STX17: variants seen among roughly 807,000 people sequenced by gnomAD.
STX17 encodes syntaxin-17.
A neutral mutation model predicts 35.9 loss-of-function variants in STX17; 29 were observed. That is an observed-to-expected ratio of 0.81 (90% CI 0.60 to 1.10). The LOEUF (loss-of-function observed/expected upper bound fraction) is 1.10, where lower values mean the gene tolerates loss of function less well. STX17 is among the 50% of genes least tolerant of loss of function. STX17 has a pLI of 0.00. For synonymous variants in STX17, 92 were observed against 118.3 expected, an observed-to-expected ratio of 0.78 and a Z score of 1.44; for missense variants, 312 against 352.3, an observed-to-expected ratio of 0.89 and a Z score of 0.92.
At chr9:99,940,346 G>A (rs1426559322) in intron 3 of STX17, among the ~76,000 whole-genome samples, 1 of 151,878 alleles carries the variant, frequency 6.6e-6, no homozygotes, top group East Asian at 1.9e-4. Flanking sequence ...GGCCAGGCTG[G>A]TCTCAAACTC....
chr9:99,970,866 A>G lies in STX17; in HGVS notation c.*2193A>G, dbSNP rs1830005100. 6.6e-6 allele frequency among the ~76,000 whole-genome samples: 1 copy of G among 152,148 alleles called. No homozygotes were observed. The highest frequency in any genetic ancestry group is 2.1e-4 in the South Asian group (1 of 4,828). On this transcript the variant is annotated 3_prime_UTR_variant, in exon 8 of 8. Transcript: ENST00000259400. ...AAGGAGGCCTGTATTTGAAGCTCAC[A>G]CTTGGTATTGGTATCTCTCATTTTT...
chr9:99,922,502 G>A (rs1828908697), intron 2 of STX17, among the ~76,000 whole-genome samples: 1 of 152,130 alleles, frequency 6.6e-6, no homozygotes, highest in Admixed American at 6.5e-5. Context: ...AACCTAGAAG[G>A]GTATATTCTT....
chr9:99,923,663 T>C (rs538000568), intron 2 of STX17, among the ~76,000 whole-genome samples: 1 of 152,170 alleles, frequency 6.6e-6, no homozygotes, highest in East Asian at 1.9e-4. Context: ...AACCACAGTT[T>C]GAGAGTCAAG....
chr9:99,937,777 A>G (rs1257635255), intron 3 of STX17: 2 of 151,994 alleles, frequency 1.3e-5, no homozygotes, highest in African/African-American at 2.4e-5. Context: ...CTTTGTGTCT[A>G]GTGATATTTG....
In STX17 at chr9:99,972,129, G is replaced by A. The variant is rs534486694; in HGVS notation, c.*3456G>A. The stretch of plus-strand genomic sequence containing the variant: ...AGCAGCCTCAAAGTTTTTAATGGTA[G>A]CTGATGCAGACATAAACAGTGCTCA... On this transcript the variant is annotated 3_prime_UTR_variant, in exon 8 of 8. Coordinates refer to ENST00000259400, the MANE Select transcript of STX17 (RefSeq NM_017919.3). 6.6e-6 allele frequency among the ~76,000 whole-genome samples: 1 copy of A among 152,246 alleles called. No homozygotes were observed. Among genetic ancestry groups the A allele is most frequent in the East Asian group, 1.9e-4 (1 of 5,186 alleles).
At chr9:99,916,081 A>G (rs925335666) in intron 2 of STX17, 30 of 455,786 alleles carry the variant, frequency 6.6e-5, no homozygotes, top group Non-Finnish European at 1.2e-4. Flanking sequence ...AATCATTGTG[A>G]GATATGAGGG....
chr9:99,925,427 G>A (rs571428046), intron 2 of STX17, among the ~76,000 whole-genome samples: 22 of 152,026 alleles, frequency 1.4e-4, no homozygotes, highest in South Asian at 4.2e-4. Flanking sequence ...ATATGTATCC[G>A]TATGTGCCAT....
chr9:99,949,949 A>ACACACG (rs1829559333), intron 3 of STX17, among the ~76,000 whole-genome samples: 2 of 151,530 alleles, frequency 1.3e-5, no homozygotes, highest in South Asian at 4.2e-4. Flanking sequence ...GTATACACAC[A>ACACACG]CACACACACA....
rs557876622 is a variant in STX17, at chr9:99,963,194, A to G, written c.582+3039A>G. Among the ~76,000 whole-genome samples the G allele has an allele frequency of 8.4e-4, 128 of 152,302 alleles. 1 individual carries two copies. Among genetic ancestry groups the G allele is most frequent in the African/African-American group, 3.0e-3 (124 of 41,572 alleles). Reference sequence around the variant, plus strand: ...CAAAGCCATTGACAGATCAAGGTATAGTACAATAAATGTTAATAAATTAAT... The same window carrying G: ...CAAAGCCATTGACAGATCAAGGTATGGTACAATAAATGTTAATAAATTAAT... On this transcript the variant is annotated intron_variant, in intron 6 of 7. Coordinates refer to ENST00000259400, the MANE Select transcript of STX17 (RefSeq NM_017919.3).
chr9:99,907,747 C>T (rs1483093848), intron 1 of STX17, among the ~76,000 whole-genome samples: 1 of 152,152 alleles, frequency 6.6e-6, no homozygotes, highest in African/African-American at 2.4e-5. Context: ...TAATTTTTTA[C>T]ATACCATAGC....
intron 3 of STX17, among the ~76,000 whole-genome samples, chr9:99,941,775 T>C (rs924200346): frequency 6.6e-6 from 1 of 152,190 alleles, no homozygotes; most frequent in Non-Finnish European, 1.5e-5. Context: ...AAACAAGATA[T>C]CTTTTGTGTC....
chr9:99,962,011 T>C (rs1829836756), intron 6 of STX17, among the ~76,000 whole-genome samples: 1 of 152,182 alleles, frequency 6.6e-6, no homozygotes, highest in African/African-American at 2.4e-5. Flanking sequence ...TCTTTCCATA[T>C]GAAAGTCTTT....
chr9:99,967,766 C>T (rs1222565821), intron 7 of STX17, 27 bp downstream of exon 7: 1 of 1,594,494 alleles, frequency 6.3e-7, no homozygotes, highest in Non-Finnish European at 8.6e-7. Flanking sequence ...GCTGACAAAT[C>T]AATGGTACTC....
chr9:99,968,418 T>C lies in STX17; in HGVS notation c.670-16T>C. ...CTCAACTCAGTTTCTAAATTGAATTTTTTTTTTTTTTACAGGCTGCAAAAT... is the reference window on the plus strand; with the variant it reads ...CTCAACTCAGTTTCTAAATTGAATTCTTTTTTTTTTTACAGGCTGCAAAAT... On this transcript the variant is annotated splice_polypyrimidine_tract_variant and intron_variant, in intron 7 of 7. Coordinates refer to ENST00000259400, the MANE Select transcript of STX17 (RefSeq NM_017919.3). 1 of 1,483,326 alleles carries C rather than the reference T, an allele frequency of 6.7e-7. No individual in the cohort carries two copies. Among genetic ancestry groups the C allele is most frequent in the Non-Finnish European group, 9.0e-7 (1 of 1,107,106 alleles). The allele number at this position is 1,483,326 out of a possible 1,614,324, so 91.9% of individuals were successfully genotyped here.
At chr9:99,936,168 T>A (rs1218883080) in intron 3 of STX17, among the ~76,000 whole-genome samples, 1 of 152,246 alleles carries the variant, frequency 6.6e-6, no homozygotes, top group African/African-American at 2.4e-5. Flanking sequence ...ATAAAGCTGC[T>A]ATGAACATTT....
intron 3 of STX17, among the ~76,000 whole-genome samples, chr9:99,950,412 T>C (rs1316178412): frequency 6.6e-6 from 1 of 151,866 alleles, no homozygotes; most frequent in Non-Finnish European, 1.5e-5. Context: ...TTAATATTAG[T>C]GTATACTATA....
intron 3 of STX17, among the ~76,000 whole-genome samples, chr9:99,947,213 T>C (rs1053734116): frequency 1.3e-5 from 2 of 152,290 alleles, no homozygotes; most frequent in African/African-American, 4.8e-5. Flanking sequence ...CTGGGCCTAA[T>C]ATGAAGCTAA....
At chr9:99,911,877 C>A (rs1225164514) in intron 1 of STX17, among the ~76,000 whole-genome samples, 2 of 152,176 alleles carry the variant, frequency 1.3e-5, no homozygotes, top group African/African-American at 4.8e-5. Context: ...GTACCCAGCC[C>A]ATACTGTTTT....
At chr9:99,914,274 C>T (rs1159401248) in intron 1 of STX17, 1 of 152,176 alleles carries the variant, frequency 6.6e-6, no homozygotes, top group Admixed American at 6.5e-5. Context: ...GGCATGAAAG[C>T]ATGGTGTACA....
Sources: gnomAD v4.1 joint callset for allele counts (sites outside exome capture counted in the v4.1 genomes callset) on GRCh38, gnomAD v4.1.1 for gene constraint, MANE v1.5 for transcripts, NCBI Gene and HGNC (gene_info 2026-07-23, HGNC 2026-07-21) for gene names.